COL11A1: variants seen among roughly 807,000 people sequenced by gnomAD.
The protein encoded by COL11A1 is collagen type XI alpha 1 chain.
A neutral mutation model predicts 265.2 loss-of-function variants in COL11A1; 74 were observed. The ratio of observed to expected loss-of-function variants is 0.28; its 90% CI spans 0.23 to 0.34. The LOEUF is 0.34. Among genes scored for constraint, COL11A1 ranks in the 10% least tolerant of loss-of-function variants. The pLI is 1.00. For synonymous variants in COL11A1, 816 were observed against 727.6 expected (o/e 1.12, Z -1.96); for missense variants, 2,165 against 2,263.6 (o/e 0.96, Z 0.88).
intron 1 of COL11A1, among the ~76,000 whole-genome samples, chr1:103,090,592 C>T (rs1190395852): frequency 6.6e-6 from 1 of 152,154 alleles, no homozygotes; most frequent in Non-Finnish European, 1.5e-5. Context: ...ATTTCTATGA[C>T]TTTGGATAAG....
chr1:102,896,957 G>GAGCT (rs1487908097), intron 57 of COL11A1, among the ~76,000 whole-genome samples: 3 of 152,084 alleles, frequency 2.0e-5, no homozygotes, highest in Non-Finnish European at 2.9e-5. Context: ...TACAGATGTG[G>GAGCT]AGCTGATCCT....
intron 63 of COL11A1, 149 bp from the exon 64 acceptor site, chr1:102,883,460 G>A (rs1011452642): frequency 3.1e-5 from 20 of 652,746 alleles, no homozygotes; most frequent in South Asian, 2.5e-4. Flanking sequence ...ATTGGGGTAC[G>A]GTTTTTAATA....
At chr1:103,022,356 T>C (rs1279179386) in intron 8 of COL11A1, among the ~76,000 whole-genome samples, 1 of 152,128 alleles carries the variant, frequency 6.6e-6, no homozygotes, top group East Asian at 1.9e-4. Flanking sequence ...ATGACATCTA[T>C]AGATGTCAGT....
chr1:102,910,267 C>T (rs896316514), intron 54 of COL11A1, among the ~76,000 whole-genome samples: 8 of 151,910 alleles, frequency 5.3e-5, no homozygotes, highest in Non-Finnish European at 7.4e-5. Context: ...ATGTGACCCA[C>T]CACTGAATGG....
At chr1:102,999,361 C>T (rs1664909354) in intron 24 of COL11A1, among the ~76,000 whole-genome samples, 1 of 151,930 alleles carries the variant, frequency 6.6e-6, no homozygotes, top group South Asian at 2.1e-4. Context: ...GCGTTGCAAT[C>T]TGGATGAACT....
intron 41 of COL11A1, among the ~76,000 whole-genome samples, chr1:102,949,782 C>T (rs1484874951): frequency 6.6e-6 from 1 of 152,050 alleles, no homozygotes; most frequent in Non-Finnish European, 1.5e-5. Flanking sequence ...TGTACCCATA[C>T]AACTCATGGG....
intron 1 of COL11A1, among the ~76,000 whole-genome samples, chr1:103,088,269 G>A (rs1252949503): frequency 6.6e-6 from 1 of 152,136 alleles, no homozygotes; most frequent in Non-Finnish European, 1.5e-5. Context: ...TGTGTGACTT[G>A]GACAGATTAC....
intron 54 of COL11A1, among the ~76,000 whole-genome samples, chr1:102,901,586 C>T (rs930515996): frequency 3.3e-5 from 5 of 152,108 alleles, no homozygotes; most frequent in African/African-American, 4.8e-5. Context: ...TTTGCATAAA[C>T]GAAGGGGCAG....
intron 9 of COL11A1, among the ~76,000 whole-genome samples, chr1:103,021,115 T>A (rs1316507175): frequency 6.6e-6 from 1 of 150,798 alleles, no homozygotes; most frequent in East Asian, 1.9e-4. Context: ...AATTGTTTAT[T>A]AGCAGGAAAC....
intron 1 of COL11A1, among the ~76,000 whole-genome samples, chr1:103,096,465 G>C (rs910935591): frequency 6.6e-6 from 1 of 151,922 alleles, no homozygotes; most frequent in Non-Finnish European, 1.5e-5. Context: ...AGAAGAACAG[G>C]TTTCAGGAGA....
intron 58 of COL11A1, 104 bp downstream of exon 58, chr1:102,890,347 A>T: frequency 9.7e-7 from 1 of 1,030,812 alleles, no homozygotes; most frequent in South Asian, 1.5e-5. Context: ...TAGAATGAAG[A>T]TATTGTTTGA....
At chr1:103,088,657 A>C (rs181397995) in intron 1 of COL11A1, among the ~76,000 whole-genome samples, 9 of 152,374 alleles carry the variant, frequency 5.9e-5, no homozygotes, top group African/African-American at 7.2e-5. Context: ...GCTGCAACAG[A>C]GACTGTGTGC....
chr1:103,106,192 C>A (rs539503822), intron 1 of COL11A1, among the ~76,000 whole-genome samples: 1 of 152,152 alleles, frequency 6.6e-6, no homozygotes, highest in East Asian at 1.9e-4. Context: ...ATTCACATAT[C>A]GCCACAGAAA....
intron 66 of COL11A1, among the ~76,000 whole-genome samples, chr1:102,879,246 C>T (rs1207334637): frequency 6.6e-6 from 1 of 151,964 alleles, no homozygotes; most frequent in Non-Finnish European, 1.5e-5. Flanking sequence ...TGATATAGTA[C>T]AAATTAACAA....
At chr1:102,892,079 C>T (rs556807398) in intron 57 of COL11A1, among the ~76,000 whole-genome samples, 2 of 152,096 alleles carry the variant, frequency 1.3e-5, no homozygotes, top group African/African-American at 4.8e-5. Flanking sequence ...ATTAGGGCCA[C>T]GATAACCTAG....
intron 2 of COL11A1, among the ~76,000 whole-genome samples, chr1:103,079,348 T>C (rs1366316978): frequency 1.3e-5 from 2 of 152,120 alleles, no homozygotes; most frequent in East Asian, 3.9e-4. Flanking sequence ...TAGTTCTTAA[T>C]ATCAAACAAT....
chr1:103,025,394 A>C (rs1667431391), intron 7 of COL11A1, 127 bp downstream of exon 7: 3 of 740,562 alleles, frequency 4.1e-6, no homozygotes, highest in Admixed American at 2.3e-5. Flanking sequence ...TGTTTCTCTT[A>C]CTTTAGTAAA....
intron 2 of COL11A1, 48 bp downstream of exon 2, chr1:103,082,757 T>G: frequency 6.7e-7 from 1 of 1,481,680 alleles, no homozygotes; most frequent in African/African-American, 1.4e-5. Flanking sequence ...AACAAAAGTG[T>G]AATAACTTTT....
chr1:102,937,479 C>T (rs1658266222), intron 44 of COL11A1, among the ~76,000 whole-genome samples: 1 of 151,912 alleles, frequency 6.6e-6, no homozygotes, highest in Admixed American at 6.6e-5. Context: ...AATTTAATTC[C>T]CAGTGTTGGG....
Sources: gnomAD v4.1 joint callset for allele counts (sites outside exome capture counted in the v4.1 genomes callset) on GRCh38, gnomAD v4.1.1 for gene constraint, MANE v1.5 for transcripts, NCBI Gene and HGNC (gene_info 2026-07-23, HGNC 2026-07-21) for gene names.